Variants in PCDHGA10 observed in about 807,000 individuals in gnomAD.
PCDHGA10 encodes the protein protocadherin gamma subfamily A, 10.
In PCDHGA10, 42 loss-of-function variants were observed where a neutral mutation model predicts 59.5. The ratio of observed to expected loss-of-function variants is 0.71; its 90% CI spans 0.55 to 0.91. PCDHGA10 has a LOEUF of 0.91. Ranked by LOEUF, PCDHGA10 falls within the 40% of genes least tolerant of loss-of-function variation. The pLI is 0.00. For missense variants in PCDHGA10, 1,111 were observed against 1,198.2 expected (o/e 0.93, Z 1.07); for synonymous variants, 511 against 517.2 (o/e 0.99, Z 0.16).
Position 141,415,258 on chromosome 5 carries a change from C to G in PCDHGA10, c.2083C>G (p.Leu695Val), listed in dbSNP as rs1228702476. The change falls in exon 1 of 4, where the codon CTG becomes GTG. Residue 695 changes from leucine (L) to valine (V), a missense_variant. Coordinates refer to ENST00000398610, the MANE Select transcript of PCDHGA10 (RefSeq NM_018913.3). The part of the protein sequence containing the change: ...PANSETSDLT[L>V]YLVVAVAAVS... ...TAACTCTGAAACCTCAGACCTCACTCTGTACCTGGTGGTAGCGGTGGCCGC... is the reference window on the plus strand; with the variant it reads ...TAACTCTGAAACCTCAGACCTCACTGTGTACCTGGTGGTAGCGGTGGCCGC... 6.2e-7 allele frequency: 1 copy of G among 1,614,214 alleles called. No individual in the cohort carries two copies. The highest frequency in any genetic ancestry group is 8.5e-7 in the Non-Finnish European group (1 of 1,180,030).
chr5:141,506,688 T>G (rs114532236), intron 3 of PCDHGA10, among the ~76,000 whole-genome samples: 2,113 of 152,334 alleles, frequency 0.014, 37 homozygotes, highest in African/African-American at 0.048. Flanking sequence ...TTATCTTTGC[T>G]GACCCAAACC....
chr5:141,474,291 AGT>A (rs1191263215), intron 1 of PCDHGA10, among the ~76,000 whole-genome samples: 1 of 152,210 alleles, frequency 6.6e-6, no homozygotes, highest in Admixed American at 6.5e-5. Flanking sequence ...CCACTAGATC[AGT>A]GCTTGTCAAA....
intron 1 of PCDHGA10, among the ~76,000 whole-genome samples, chr5:141,451,067 A>G (rs948528671): frequency 6.6e-6 from 1 of 151,848 alleles, no homozygotes; most frequent in African/African-American, 2.4e-5. Flanking sequence ...TGACCTTGTG[A>G]TCCACCCACC....
intron 2 of PCDHGA10, among the ~76,000 whole-genome samples, chr5:141,495,407 C>T: frequency 6.6e-6 from 1 of 152,218 alleles, no homozygotes; most frequent in East Asian, 1.9e-4. Flanking sequence ...AGGCCCCCTT[C>T]TCCGGCCCCT....
chr5:141,492,274 A>C (rs2099739010), intron 1 of PCDHGA10, among the ~76,000 whole-genome samples: 1 of 152,024 alleles, frequency 6.6e-6, no homozygotes, highest in Non-Finnish European at 1.5e-5. Flanking sequence ...CGGGCTCGCC[A>C]CGCCCCGCCA....
intron 1 of PCDHGA10, among the ~76,000 whole-genome samples, chr5:141,492,893 C>T (rs936521362): frequency 2.0e-5 from 3 of 152,178 alleles, no homozygotes; most frequent in Admixed American, 6.5e-5. Flanking sequence ...AGGCTTTTGG[C>T]GCCGTCGTGA....
intron 1 of PCDHGA10, chr5:141,422,099 A>C (rs374091819): frequency 6.2e-7 from 1 of 1,609,706 alleles, no homozygotes; most frequent in Non-Finnish European, 8.5e-7. Context: ...AAGGCTTCTG[A>C]AATATTCCAA....
At chr5:141,503,284 G>C (rs899456087) in intron 2 of PCDHGA10, among the ~76,000 whole-genome samples, 2 of 152,044 alleles carry the variant, frequency 1.3e-5, no homozygotes, top group African/African-American at 4.8e-5. Flanking sequence ...TCTGTGTCTG[G>C]TACATAGAAA....
At chr5:141,427,773 C>T (rs1285483564) in intron 1 of PCDHGA10, 1 of 1,414,460 alleles carries the variant, frequency 7.1e-7, no homozygotes, top group Non-Finnish European at 9.9e-7. Flanking sequence ...CTTGGAGCTG[C>T]GGGCACTGTC....
intron 1 of PCDHGA10, chr5:141,418,973 C>T: frequency 3.1e-6 from 5 of 1,613,916 alleles, no homozygotes; most frequent in Non-Finnish European, 3.4e-6. Context: ...CTTCAAAACA[C>T]GGGACCAAGA....
chr5:141,500,520 T>TA (rs2099801149), intron 2 of PCDHGA10, among the ~76,000 whole-genome samples: 2 of 152,312 alleles, frequency 1.3e-5, no homozygotes, highest in Admixed American at 1.3e-4. Flanking sequence ...AGCTTCATTT[T>TA]AAAAAAATCT....
chr5:141,485,762 G>A lies in PCDHGA10; in HGVS notation c.2437-9045G>A, dbSNP rs774145313. 3.1e-6 allele frequency: 5 copies of A among 1,614,226 alleles called. No homozygotes were observed. The highest frequency in any genetic ancestry group is 3.3e-5 in the Admixed American group (2 of 60,030). ...CAGCCTGGTCCCAGAGCTGCTCCTG[G>A]AGAAGCCTTTGGATCGAGAGAAGCA... On this transcript the variant is annotated intron_variant, in intron 1 of 3. Transcript: ENST00000398610. The surrounding 1 kb of genome is among the most constrained non-coding windows in gnomAD (Gnocchi z 5.7).
chr5:141,479,941 T>C (rs983830280), intron 1 of PCDHGA10, among the ~76,000 whole-genome samples: 2 of 152,194 alleles, frequency 1.3e-5, no homozygotes, highest in Admixed American at 6.5e-5. Context: ...TGCTATCAAC[T>C]CTTGGATTTG....
At chr5:141,426,374 C>G (rs908991939) in intron 1 of PCDHGA10, 2 of 219,094 alleles carry the variant, frequency 9.1e-6, no homozygotes, top group East Asian at 1.0e-4. Flanking sequence ...GGGGCACCCT[C>G]GGAGCAGATC....
chr5:141,416,223 A>AT, intron 1 of PCDHGA10: 1 of 152,302 alleles, frequency 6.6e-6, no homozygotes, highest in East Asian at 1.9e-4. Flanking sequence ...GTATGCTTAG[A>AT]TTTTTCCAGC....
chr5:141,488,572 T>C (rs888054788), intron 1 of PCDHGA10, among the ~76,000 whole-genome samples: 28 of 152,212 alleles, frequency 1.8e-4, no homozygotes, highest in African/African-American at 6.8e-4. Flanking sequence ...CCGCAAAGCA[T>C]TGCTGGAGAG....
At chr5:141,495,052 CTGTT>C (rs1406995321) in intron 2 of PCDHGA10, among the ~76,000 whole-genome samples, 187 bp downstream of exon 2, 1 of 152,190 alleles carries the variant, frequency 6.6e-6, no homozygotes, top group Non-Finnish European at 1.5e-5. Context: ...ACTGCCCTGA[CTGTT>C]CAGGAAGCTC....
chr5:141,430,659 G>A, intron 1 of PCDHGA10: 1 of 1,110,600 alleles, frequency 9.0e-7, no homozygotes, highest in Non-Finnish European at 1.2e-6. Context: ...AACAACGGAG[G>A]AGCTCTGACT....
intron 1 of PCDHGA10, among the ~76,000 whole-genome samples, chr5:141,433,809 C>A (rs913637407): frequency 5.3e-5 from 8 of 149,948 alleles, no homozygotes; most frequent in Non-Finnish European, 1.2e-4. Flanking sequence ...TGCACTCCAG[C>A]CTGGGCAACA....
Sources: gnomAD v4.1 joint callset for allele counts (sites outside exome capture counted in the v4.1 genomes callset) on GRCh38, gnomAD v4.1.1 for gene constraint, Gnocchi (gnomAD v3.1) non-coding constraint, MANE v1.5 for transcripts, NCBI Gene and HGNC (gene_info 2026-07-23, HGNC 2026-07-21) for gene names.